IL33: variants seen among roughly 807,000 people sequenced by gnomAD.
IL33 encodes the protein interleukin-33.
Under a neutral mutation model 27.3 loss-of-function variants are expected in IL33, and 37 were observed. That is an observed-to-expected ratio of 1.36 (90% confidence interval 1.04 to 1.78). IL33 has a LOEUF of 1.78. IL33 is among the 40% of genes most tolerant of loss of function. IL33 has a pLI of 0.00. For missense variants in IL33, 406 were observed against 311.4 expected (o/e 1.30, Z -2.29); for synonymous variants, 132 against 102.9 (o/e 1.28, Z -1.71).
intron 1 of IL33, among the ~76,000 whole-genome samples, chr9:6,237,209 C>T (rs933705850): frequency 6.6e-6 from 1 of 152,048 alleles, no homozygotes; most frequent in Non-Finnish European, 1.5e-5. Flanking sequence ...CAAAAAAGAA[C>T]AAGTGATGTT....
At chr9:6,235,183 C>A (rs77399241) in intron 1 of IL33, among the ~76,000 whole-genome samples, 1 of 152,038 alleles carries the variant, frequency 6.6e-6, no homozygotes, top group Non-Finnish European at 1.5e-5. Flanking sequence ...TAAGACTGCA[C>A]GTGCACACCA....
chr9:6,251,858 G>T (rs1816380943), intron 4 of IL33, among the ~76,000 whole-genome samples: 1 of 151,430 alleles, frequency 6.6e-6, no homozygotes, highest in Non-Finnish European at 1.5e-5. Flanking sequence ...TGGCCAACAT[G>T]GCGAAACCCT....
Position 6,253,584 on chromosome 9 carries a change from C to A in IL33, c.502C>A (p.His168Asn). Residue 168 changes from histidine (H) to asparagine (N), a missense_variant, in exon 6 of 8, where the codon CAC becomes AAC. By Grantham distance (68) the His-to-Asn change is moderately conservative (BLOSUM62 1). Transcript: ENST00000682010. ...KVLLSYYESQ[H>N]PSNESGDGVD... ...GTTACTGAGTTACTATGAGTCTCAA[C>A]ACCCCTCAAATGAATCAGGTAATTT... The A allele has an allele frequency of 6.2e-7, 1 of 1,608,894 alleles. No individual in the cohort carries two copies. Among genetic ancestry groups the A allele is most frequent in the Non-Finnish European group, 8.5e-7 (1 of 1,176,264 alleles).
At chr9:6,221,686 C>A (rs1446545959) in intron 1 of IL33, among the ~76,000 whole-genome samples, 1 of 152,174 alleles carries the variant, frequency 6.6e-6, no homozygotes, top group Non-Finnish European at 1.5e-5. Flanking sequence ...GTTCTCCTTA[C>A]TATCTAGGTG....
intron 1 of IL33, among the ~76,000 whole-genome samples, chr9:6,230,952 G>A (rs990059520): frequency 9.9e-5 from 15 of 152,030 alleles, no homozygotes; most frequent in African/African-American, 3.6e-4. Flanking sequence ...CTTCTAAAAG[G>A]GAGACAATCA....
intron 5 of IL33, 145 bp from the exon 6 acceptor site, chr9:6,253,407 G>T: frequency 3.6e-6 from 2 of 553,206 alleles, no homozygotes. Context: ...GTGCATTTTT[G>T]AGACCTTTCT....
At chr9:6,216,194 G>A (rs1355108264) in intron 1 of IL33, among the ~76,000 whole-genome samples, 2 of 152,122 alleles carry the variant, frequency 1.3e-5, no homozygotes, top group Non-Finnish European at 2.9e-5. Context: ...ACAGTGGCGT[G>A]ATCCTAGCTC....
At chr9:6,244,764 T>C (rs1176966896) in intron 2 of IL33, among the ~76,000 whole-genome samples, 1 of 152,148 alleles carries the variant, frequency 6.6e-6, no homozygotes, top group Non-Finnish European at 1.5e-5. Context: ...ATATGTCATA[T>C]CTTGTTTTTC....
At chr9:6,239,172 G>T (rs1442852370) in intron 1 of IL33, among the ~76,000 whole-genome samples, 1 of 152,186 alleles carries the variant, frequency 6.6e-6, no homozygotes, top group Non-Finnish European at 1.5e-5. Flanking sequence ...CAGCACAAAA[G>T]AGTGCCTTCT....
At chr9:6,224,937 A>G (rs1046491579) in intron 1 of IL33, among the ~76,000 whole-genome samples, 2 of 152,004 alleles carry the variant, frequency 1.3e-5, no homozygotes, top group African/African-American at 4.8e-5. Context: ...ACTCAGGTAT[A>G]TATAATACAT....
intron 2 of IL33, among the ~76,000 whole-genome samples, chr9:6,247,877 T>A (rs1819956565): frequency 6.6e-6 from 1 of 151,948 alleles, no homozygotes. Flanking sequence ...CCAGTGCTTG[T>A]CCTACTAGAT....
intron 1 of IL33, among the ~76,000 whole-genome samples, chr9:6,239,291 G>A (rs1819399948): frequency 6.6e-6 from 1 of 152,158 alleles, no homozygotes; most frequent in South Asian, 2.1e-4. Flanking sequence ...AGGAGGGCAT[G>A]CTTGGAACAT....
At chr9:6,242,348 C>G (rs537483335) in intron 2 of IL33, 1 of 152,298 alleles carries the variant, frequency 6.6e-6, no homozygotes, top group South Asian at 2.1e-4. Context: ...CAGCTTGCTG[C>G]CAGCGCTTAT....
At chr9:6,247,138 C>A (rs1397053949) in intron 2 of IL33, among the ~76,000 whole-genome samples, 1 of 152,046 alleles carries the variant, frequency 6.6e-6, no homozygotes, top group Non-Finnish European at 1.5e-5. Flanking sequence ...GTCATTGGAG[C>A]AAGCATGATT....
chr9:6,243,451 T>A (rs1011181844), intron 2 of IL33, among the ~76,000 whole-genome samples: 2 of 152,296 alleles, frequency 1.3e-5, no homozygotes, highest in East Asian at 1.9e-4. Context: ...GCCTCCTGGT[T>A]CAAGCGATTC....
At chr9:6,252,056 C>CAAACA (rs747766571) in intron 4 of IL33, among the ~76,000 whole-genome samples, 7 of 114,314 alleles carry the variant, frequency 6.1e-5, no homozygotes, top group African/African-American at 2.3e-4. Context: ...AACAAACAAA[C>CAAACA]AAAAAAAAAC....
chr9:6,227,317 T>C (rs1818683211), intron 1 of IL33, among the ~76,000 whole-genome samples: 1 of 152,246 alleles, frequency 6.6e-6, no homozygotes, highest in African/African-American at 2.4e-5. Context: ...CTCTAGGATA[T>C]AGTAGACAAC....
intron 1 of IL33, among the ~76,000 whole-genome samples, chr9:6,224,885 ATT>A (rs888565477): frequency 9.5e-5 from 14 of 147,524 alleles, no homozygotes; most frequent in Admixed American, 1.4e-4. Flanking sequence ...GGCAGAATAG[ATT>A]TTTTTTTTTT....
chr9:6,249,253 A>G (rs1183772666), intron 2 of IL33, among the ~76,000 whole-genome samples: 2 of 152,214 alleles, frequency 1.3e-5, no homozygotes, highest in Non-Finnish European at 2.9e-5. Context: ...AAGCTTTTCC[A>G]CTTATCTTTA....
Sources: gnomAD v4.1 joint callset for allele counts (sites outside exome capture counted in the v4.1 genomes callset) on GRCh38, gnomAD v4.1.1 for gene constraint, MANE v1.5 for transcripts, NCBI Gene and HGNC (gene_info 2026-07-23, HGNC 2026-07-21) for gene names.